The following FGD6 variants were observed in gnomAD, a reference collection of about 807,000 sequenced individuals.
The protein encoded by FGD6 is FYVE, RhoGEF and PH domain-containing protein 6.
Under a neutral mutation model 149.4 loss-of-function variants are expected in FGD6, and 90 were observed. That is an observed-to-expected ratio of 0.60 (90% CI 0.51 to 0.72). The LOEUF (loss-of-function observed/expected upper bound fraction) is 0.72. Ranked by LOEUF, FGD6 falls within the 30% of genes least tolerant of loss-of-function variation. FGD6 has a pLI of 0.00. For missense variants in FGD6, 1,437 were observed against 1,684.8 expected, an observed-to-expected ratio of 0.85 and a Z score of 2.57; for synonymous variants, 527 against 584.0, an observed-to-expected ratio of 0.90 and a Z score of 1.41.
chr12:95,084,532 C>A lies in FGD6; in HGVS notation c.4222G>T (p.Val1408Leu). 1.3e-6 allele frequency: 2 copies of A among 1,599,696 alleles called. No individual in the cohort carries two copies. The highest frequency in any genetic ancestry group is 2.3e-5 in the South Asian group (2 of 86,950). ...QLLHKNMLFY[V>L]FKAEDAHSAQ... ...GAATGAGCATCCTCTGCTTTGAATA[C>A]ATAAAATAACATGTTTTTGTGCAGT... Residue 1408 changes from valine to leucine, a missense_variant, in exon 20 of 21, where the codon GTA becomes TTA. Coordinates refer to ENST00000343958, the MANE Select transcript of FGD6 (RefSeq NM_018351.4).
intron 17 of FGD6, among the ~76,000 whole-genome samples, chr12:95,090,476 A>G (rs1199438232): frequency 6.6e-6 from 1 of 152,234 alleles, no homozygotes; most frequent in Non-Finnish European, 1.5e-5. Context: ...AGAGATAACG[A>G]AGGCCTTATT....
intron 8 of FGD6, chr12:95,116,941 AG>A: frequency 2.2e-6 from 1 of 455,828 alleles, no homozygotes; most frequent in South Asian, 1.6e-5. Flanking sequence ...GTCAGATGGG[AG>A]GAACAGGAAA....
intron 13 of FGD6, among the ~76,000 whole-genome samples, chr12:95,105,866 A>G (rs907441434): frequency 6.6e-6 from 1 of 152,080 alleles, no homozygotes; most frequent in African/African-American, 2.4e-5. Flanking sequence ...TCTGTGAAAA[A>G]TACAAAAATT....
At chr12:95,153,400 G>A (rs1880366799) in intron 3 of FGD6, among the ~76,000 whole-genome samples, 1 of 152,180 alleles carries the variant, frequency 6.6e-6, no homozygotes, top group Non-Finnish European at 1.5e-5. Flanking sequence ...AGTGGCTCAC[G>A]CCTGTAATCC....
At chr12:95,101,123 G>A in intron 14 of FGD6, 1 of 165,614 alleles carries the variant, frequency 6.0e-6, no homozygotes, top group Non-Finnish European at 1.3e-5. Flanking sequence ...ATCACTTGAG[G>A]TCAGGAGTTC....
Position 95,205,844 on chromosome 12 carries a change from G to A in FGD6, c.2441+2999C>T, listed in dbSNP as rs2056690025. 3.3e-5 allele frequency among the ~76,000 whole-genome samples: 5 copies of A among 152,146 alleles called. No homozygotes were observed. The South Asian group carries it at 1.0e-3, about 32-fold the overall frequency. On this transcript the variant is annotated intron_variant, in intron 2 of 20. Transcript: ENST00000343958. ...TTTAGTAGTCTCAAGCCTGTTGCAG[G>A]CTCCCTGCTGCAGGCCTAAACAAAA...
At chr12:95,181,234 G>A (rs758557645) in intron 2 of FGD6, among the ~76,000 whole-genome samples, 1 of 152,184 alleles carries the variant, frequency 6.6e-6, no homozygotes, top group Non-Finnish European at 1.5e-5. Context: ...ACAACTTGTT[G>A]ACTACGTCAC....
At chr12:95,139,818 C>T (rs1380861689) in intron 6 of FGD6, among the ~76,000 whole-genome samples, 2 of 151,124 alleles carry the variant, frequency 1.3e-5, no homozygotes, top group African/African-American at 2.4e-5. Context: ...TGTAAGTTTA[C>T]TAGAGACGAG....
At chr12:95,110,583 T>C (rs528293461) in intron 9 of FGD6, among the ~76,000 whole-genome samples, 97 of 151,830 alleles carry the variant, frequency 6.4e-4, no homozygotes, top group East Asian at 1.6e-3. Flanking sequence ...CTCAAACTCC[T>C]GACCTCAGGT....
chr12:95,094,755 CT>C, intron 14 of FGD6, 61 bp from the exon 15 acceptor site: 4 of 1,263,854 alleles, frequency 3.2e-6, no homozygotes, highest in Non-Finnish European at 4.6e-6. Flanking sequence ...CCTTTTTCTT[CT>C]TTTCTTTCTC....
chr12:95,182,093 T>C (rs1265642777), intron 2 of FGD6, among the ~76,000 whole-genome samples: 1 of 152,156 alleles, frequency 6.6e-6, no homozygotes. Context: ...TTATGTAATA[T>C]ACTGTCTGTT....
intron 12 of FGD6, 117 bp from the exon 13 acceptor site, chr12:95,107,154 T>G (rs532027405): frequency 1.4e-6 from 1 of 717,726 alleles, no homozygotes; most frequent in Admixed American, 2.7e-5. Context: ...GCTCTCTGAA[T>G]AAAATACTTA....
At chr12:95,195,762 C>T (rs1327784693) in intron 2 of FGD6, among the ~76,000 whole-genome samples, 3 of 38,226 alleles carry the variant, frequency 7.8e-5, no homozygotes, top group African/African-American at 1.0e-4. Flanking sequence ...CAGGGGTTGA[C>T]GGGAAGAGGT....
At chr12:95,122,019 A>C (rs964203542) in intron 8 of FGD6, among the ~76,000 whole-genome samples, 6 of 152,212 alleles carry the variant, frequency 3.9e-5, no homozygotes, top group Non-Finnish European at 7.3e-5. Flanking sequence ...TTTTATAAAA[A>C]AATTAATAGA....
intron 5 of FGD6, among the ~76,000 whole-genome samples, chr12:95,146,301 A>G (rs184867182): frequency 1.2e-3 from 187 of 152,288 alleles, no homozygotes; most frequent in African/African-American, 4.2e-3. Context: ...TTATTACAAC[A>G]TATGTCTGGT....
intron 2 of FGD6, among the ~76,000 whole-genome samples, chr12:95,199,861 TCTCAAAGTTCTGGGATTAC>T (rs1186925193): frequency 6.6e-6 from 1 of 152,150 alleles, no homozygotes; most frequent in Non-Finnish European, 1.5e-5. Context: ...TGCCTGGGCC[TCTCAAAGTTCTGGGATTAC>T]AAAAAGCTAC....
intron 8 of FGD6, among the ~76,000 whole-genome samples, chr12:95,120,185 C>A (rs61935772): frequency 9.0e-5 from 13 of 144,370 alleles, no homozygotes; most frequent in Non-Finnish European, 1.4e-4. Flanking sequence ...GCTGACATCA[C>A]GTCACTGCAC....
chr12:95,134,636 G>A (rs533155385), intron 8 of FGD6, 103 bp downstream of exon 8: 135 of 927,346 alleles, frequency 1.5e-4, no homozygotes, highest in East Asian at 1.1e-3. Context: ...ACGTGGTGAC[G>A]GGGGTGATAT....
chr12:95,096,029 C>A (rs1228562998), intron 14 of FGD6, among the ~76,000 whole-genome samples: 1 of 146,488 alleles, frequency 6.8e-6, no homozygotes, highest in Non-Finnish European at 1.5e-5. Flanking sequence ...AAAAAAAAAG[C>A]AGAAGTAAAA....
Sources: allele counts gnomAD v4.1 joint callset (sites outside exome capture counted in the v4.1 genomes callset), GRCh38; gene constraint gnomAD v4.1.1; transcripts MANE v1.5; gene names NCBI Gene and HGNC (gene_info 2026-07-23, HGNC 2026-07-21).